The following NCAM2 variants were observed in gnomAD, a reference collection of about 807,000 sequenced individuals.
NCAM2 encodes neural cell adhesion molecule 2.
A neutral mutation model predicts 98.1 loss-of-function variants in NCAM2; 30 were observed. The observed-to-expected ratio is 0.31, with a 90% CI of 0.23 to 0.41. The LOEUF (loss-of-function observed/expected upper bound fraction) is 0.41, where lower values mean the gene tolerates loss of function less well. NCAM2 is among the 10% of genes least tolerant of loss of function. The pLI, the probability that NCAM2 is intolerant of heterozygous loss-of-function variation, is 1.00. For missense variants in NCAM2, 867 were observed against 1,005.8 expected (o/e 0.86, Z 1.87); for synonymous variants, 368 against 342.4 (o/e 1.07, Z -0.83).
chr21:21,525,971 C>T (rs915528506), intron 16 of NCAM2, among the ~76,000 whole-genome samples: 1 of 151,980 alleles, frequency 6.6e-6, no homozygotes, highest in African/African-American at 2.4e-5. Flanking sequence ...TAAAAGCTTT[C>T]AATAACAATG....
At chr21:21,048,534 T>C (rs1469801833) in intron 1 of NCAM2, among the ~76,000 whole-genome samples, 1 of 152,146 alleles carries the variant, frequency 6.6e-6, no homozygotes, top group Non-Finnish European at 1.5e-5. Flanking sequence ...TTTCTATTTT[T>C]AGTAGAGACA....
At chr21:21,431,240 G>GATT (rs1320057571) in intron 11 of NCAM2, among the ~76,000 whole-genome samples, 2 of 151,054 alleles carry the variant, frequency 1.3e-5, no homozygotes, top group African/African-American at 4.9e-5. Context: ...AAGAGGAAGA[G>GATT]ATTCATAGAG....
chr21:21,095,441 G>T (rs901331351), intron 1 of NCAM2, among the ~76,000 whole-genome samples: 2 of 151,198 alleles, frequency 1.3e-5, no homozygotes, highest in Non-Finnish European at 3.0e-5. Context: ...TATCTATCTA[G>T]CTAGCTACCT....
At chr21:21,053,929 T>C (rs1181885319) in intron 1 of NCAM2, among the ~76,000 whole-genome samples, 2 of 101,410 alleles carry the variant, frequency 2.0e-5, no homozygotes, top group Non-Finnish European at 4.1e-5. Context: ...CCTATAGGTT[T>C]AGGATTAAGC....
At chr21:21,029,309 C>A (rs369142711) in intron 1 of NCAM2, among the ~76,000 whole-genome samples, 26 of 152,262 alleles carry the variant, frequency 1.7e-4, no homozygotes, top group Non-Finnish European at 3.2e-4. Context: ...GCATTTAGTG[C>A]AATTCAGAGA....
At chr21:21,206,214 T>C (rs1803090193) in intron 1 of NCAM2, among the ~76,000 whole-genome samples, 1 of 152,180 alleles carries the variant, frequency 6.6e-6, no homozygotes, top group Non-Finnish European at 1.5e-5. Context: ...TTGTAATACA[T>C]TAAGTTTCAT....
At chr21:21,411,104 A>C (rs1210967315) in intron 10 of NCAM2, among the ~76,000 whole-genome samples, 1 of 63,444 alleles carries the variant, frequency 1.6e-5, no homozygotes, top group African/African-American at 5.2e-5. Context: ...ATATATATAC[A>C]TATATATGTA....
At chr21:21,173,278 A>G (rs1330230393) in intron 1 of NCAM2, among the ~76,000 whole-genome samples, 2 of 152,198 alleles carry the variant, frequency 1.3e-5, no homozygotes, top group African/African-American at 2.4e-5. Context: ...ACAATGTTCA[A>G]TGGAATTAAA....
intron 5 of NCAM2, among the ~76,000 whole-genome samples, chr21:21,299,220 A>G (rs2073615044): frequency 6.6e-6 from 1 of 151,580 alleles, no homozygotes; most frequent in African/African-American, 2.4e-5. Context: ...GTGCTGCACT[A>G]GAGGATAACC....
chr21:21,086,755 G>A (rs1444083557), intron 1 of NCAM2, among the ~76,000 whole-genome samples: 2 of 152,160 alleles, frequency 1.3e-5, no homozygotes, highest in Non-Finnish European at 2.9e-5. Flanking sequence ...ACTAGAACGT[G>A]TGTGGCAGGC....
intron 1 of NCAM2, among the ~76,000 whole-genome samples, chr21:21,101,861 C>T (rs2066248203): frequency 6.6e-6 from 1 of 151,742 alleles, no homozygotes; most frequent in Non-Finnish European, 1.5e-5. Flanking sequence ...TAAAAGACTA[C>T]TACTTGAAAA....
chr21:21,295,702 A>G (rs2073451699), intron 5 of NCAM2, among the ~76,000 whole-genome samples: 1 of 151,868 alleles, frequency 6.6e-6, no homozygotes, highest in African/African-American at 2.4e-5. Flanking sequence ...AGCAGATTAC[A>G]GTTGATCTGC....
chr21:21,441,322 T>C (rs1047409628), intron 12 of NCAM2, among the ~76,000 whole-genome samples: 1 of 152,190 alleles, frequency 6.6e-6, no homozygotes, highest in Non-Finnish European at 1.5e-5. Context: ...AGCTTTCCAG[T>C]TCTGGCACAA....
intron 1 of NCAM2, among the ~76,000 whole-genome samples, chr21:21,097,391 G>A (rs551505663): frequency 1.3e-5 from 2 of 151,812 alleles, no homozygotes; most frequent in South Asian, 4.2e-4. Context: ...CAGTGGAAAC[G>A]AGTTTCATGC....
At chr21:20,999,160 C>G (rs1285547570) in intron 1 of NCAM2, among the ~76,000 whole-genome samples, 1 of 151,778 alleles carries the variant, frequency 6.6e-6, no homozygotes, top group African/African-American at 2.4e-5. Flanking sequence ...CTGTTGGAAA[C>G]TAAGAGAGGG....
chr21:21,278,962 G>C (rs1250410058), intron 1 of NCAM2, among the ~76,000 whole-genome samples: 1 of 152,016 alleles, frequency 6.6e-6, no homozygotes, highest in Non-Finnish European at 1.5e-5. Context: ...GCTGACTCCT[G>C]CTTACAGGCC....
intron 16 of NCAM2, among the ~76,000 whole-genome samples, chr21:21,513,874 A>G (rs982156736): frequency 1.3e-5 from 2 of 152,070 alleles, no homozygotes; most frequent in South Asian, 2.1e-4. Context: ...AGGTTTTCCA[A>G]TGTTGGGTGC....
intron 10 of NCAM2, among the ~76,000 whole-genome samples, chr21:21,411,222 A>T (rs1269044373): frequency 7.1e-6 from 1 of 140,356 alleles, no homozygotes; most frequent in Admixed American, 7.3e-5. Context: ...ATTTTTCCAT[A>T]TATATATATA....
intron 15 of NCAM2, among the ~76,000 whole-genome samples, chr21:21,507,695 C>T (rs1988073757): frequency 6.7e-6 from 1 of 148,656 alleles, no homozygotes; most frequent in South Asian, 2.1e-4. Flanking sequence ...GAGGCTGAGG[C>T]ATGAGAATTG....
Sources: allele counts gnomAD v4.1 joint callset (sites outside exome capture counted in the v4.1 genomes callset), GRCh38; gene constraint gnomAD v4.1.1; transcripts MANE v1.5; gene names NCBI Gene and HGNC (gene_info 2026-07-23, HGNC 2026-07-21).